The following MGST1 variants were observed in gnomAD, a reference collection of about 807,000 sequenced individuals.
MGST1 encodes the protein glutathione S-transferase 12.
A neutral mutation model predicts 8.9 loss-of-function variants in MGST1; 5 were observed. That is an observed-to-expected ratio of 0.56 (90% CI 0.29 to 1.19). The LOEUF (loss-of-function observed/expected upper bound fraction) is 1.19, where lower values mean the gene tolerates loss of function less well. Among genes scored for constraint, MGST1 ranks in the 50% most tolerant of loss-of-function variants. The pLI is 0.08. For missense variants in MGST1, 182 were observed against 187.4 expected (o/e 0.97, Z 0.17); for synonymous variants, 54 against 67.8 (o/e 0.80, Z 1.00).
At chr12:16,523,616 C>T (rs1941663203) in intron 4 of MGST1, among the ~76,000 whole-genome samples, 1 of 152,076 alleles carries the variant, frequency 6.6e-6, no homozygotes, top group Non-Finnish European at 1.5e-5. Context: ...GCTTATGATT[C>T]TGTCTTACAT....
chr12:16,406,692 G>T (rs943363513), intron 1 of MGST1, among the ~76,000 whole-genome samples: 6 of 152,110 alleles, frequency 3.9e-5, no homozygotes, highest in Non-Finnish European at 7.4e-5. Flanking sequence ...ATACCATGAA[G>T]TGGTACAAAA....
At chr12:16,442,764 G>A (rs1376883230), downstream of MGST1, among the ~76,000 whole-genome samples, 1 of 151,644 alleles carries the variant, frequency 6.6e-6, no homozygotes, top group Non-Finnish European at 1.5e-5. The surrounding 1 kb of genome is among the most constrained non-coding windows in gnomAD (Gnocchi z 4.5). Context: ...TCCATGCTGT[G>A]TTGGCTATTA....
chr12:16,463,578 C>T (rs963517135), intron 4 of MGST1, among the ~76,000 whole-genome samples: 29 of 145,324 alleles, frequency 2.0e-4, no homozygotes, highest in Non-Finnish European at 1.0e-4. Context: ...CACATGTACC[C>T]GTAACTTAAA....
At chr12:16,566,917 C>A (rs151179348) in intron 4 of MGST1, among the ~76,000 whole-genome samples, 280 of 152,290 alleles carry the variant, frequency 1.8e-3, no homozygotes, top group African/African-American at 6.6e-3. Flanking sequence ...CAGTAAAAAA[C>A]TACCAAAAGC....
At chr12:16,538,985 G>A (rs1371922979) in intron 4 of MGST1, among the ~76,000 whole-genome samples, 1 of 152,110 alleles carries the variant, frequency 6.6e-6, no homozygotes, top group South Asian at 2.1e-4. Flanking sequence ...AAAACCATGC[G>A]ATCTCATGAG....
intron 1 of MGST1, among the ~76,000 whole-genome samples, chr12:16,412,308 GTAGA>G (rs72085971): frequency 0.19 from 28,914 of 151,958 alleles, 3,257 homozygotes; most frequent in East Asian, 0.43. Context: ...TCCAAACATG[GTAGA>G]TAGTCTAACT....
chr12:16,427,625 G>A (rs1218517291), intron 1 of MGST1, among the ~76,000 whole-genome samples: 3 of 152,178 alleles, frequency 2.0e-5, no homozygotes, highest in East Asian at 3.9e-4. Context: ...CAAGTGATCC[G>A]CCCATCCTGG....
At chr12:16,411,377 T>C (rs1940741720) in intron 1 of MGST1, among the ~76,000 whole-genome samples, 1 of 152,150 alleles carries the variant, frequency 6.6e-6, no homozygotes, top group Non-Finnish European at 1.5e-5. Context: ...AAATCCTCTA[T>C]AGAGAGTTAC....
intron 1 of MGST1, among the ~76,000 whole-genome samples, chr12:16,349,321 G>C (rs9332885): frequency 0.028 from 4,293 of 151,942 alleles, 222 homozygotes; most frequent in African/African-American, 0.099. Context: ...GGGAAAGGGC[G>C]TTCCTCAACT....
At chr12:16,570,788 C>T (rs1365635302) in intron 4 of MGST1, among the ~76,000 whole-genome samples, 3 of 152,080 alleles carry the variant, frequency 2.0e-5, no homozygotes, top group Admixed American at 2.0e-4. Context: ...TGATTATTCA[C>T]AAAAAGTTAT....
At chr12:16,583,727 T>C in intron 4 of MGST1, among the ~76,000 whole-genome samples, 1 of 152,270 alleles carries the variant, frequency 6.6e-6, no homozygotes, top group African/African-American at 2.4e-5. Flanking sequence ...TGAAAAAGGG[T>C]AGCATACCCA....
chr12:16,452,708 A>G (rs930182926), intron 4 of MGST1, among the ~76,000 whole-genome samples: 2 of 151,850 alleles, frequency 1.3e-5, no homozygotes, highest in African/African-American at 2.4e-5. Context: ...GATGTTTTTA[A>G]TTATTATGGT....
At chr12:16,474,714 A>C (rs1425126090) in intron 4 of MGST1, among the ~76,000 whole-genome samples, 1 of 152,168 alleles carries the variant, frequency 6.6e-6, no homozygotes, top group African/African-American at 2.4e-5. Flanking sequence ...GGTTATCTTG[A>C]GGTCATTTTT....
chr12:16,579,973 A>G (rs569604209), intron 4 of MGST1, among the ~76,000 whole-genome samples: 1 of 152,294 alleles, frequency 6.6e-6, no homozygotes, highest in African/African-American at 2.4e-5. Flanking sequence ...TTCTGGTCAC[A>G]ATGAGAAAGG....
intron 4 of MGST1, among the ~76,000 whole-genome samples, chr12:16,484,447 C>T (rs193106188): frequency 6.6e-6 from 1 of 151,954 alleles, no homozygotes; most frequent in African/African-American, 2.4e-5. Context: ...CTGTTTTAGT[C>T]CATTCTCACA....
At chr12:16,377,997 G>GT (rs910480884), downstream of MGST1, among the ~76,000 whole-genome samples, 2 of 151,210 alleles carry the variant, frequency 1.3e-5, no homozygotes, top group African/African-American at 2.4e-5. Flanking sequence ...GGGGTTGTTT[G>GT]TTTTTTTCTT....
intron 1 of MGST1, among the ~76,000 whole-genome samples, chr12:16,403,252 T>C (rs1940674827): frequency 6.6e-6 from 1 of 152,192 alleles, no homozygotes; most frequent in South Asian, 2.1e-4. Flanking sequence ...GACCCATAGA[T>C]CATATAGACA....
At chr12:16,434,711 A>AT (rs1476635085) in intron 1 of MGST1, among the ~76,000 whole-genome samples, 1 of 151,606 alleles carries the variant, frequency 6.6e-6, no homozygotes, top group African/African-American at 2.4e-5. Flanking sequence ...GGAGTGCTAA[A>AT]TTGTTTTTGG....
chr12:16,545,415 T>C (rs1941817703), intron 4 of MGST1, among the ~76,000 whole-genome samples: 1 of 152,070 alleles, frequency 6.6e-6, no homozygotes, highest in South Asian at 2.1e-4. Flanking sequence ...GTGCCCACAG[T>C]TCTGACATAT....
Sources: allele counts gnomAD v4.1 joint callset (sites outside exome capture counted in the v4.1 genomes callset), GRCh38; gene constraint gnomAD v4.1.1; non-coding constraint Gnocchi (gnomAD v3.1); transcripts MANE v1.5; gene names NCBI Gene and HGNC (gene_info 2026-07-23, HGNC 2026-07-21).